ELF3: variants seen among roughly 807,000 people sequenced by gnomAD.
The protein encoded by ELF3 is ETS-related transcription factor Elf-3.
Under a neutral mutation model 43.9 loss-of-function variants are expected in ELF3, and 18 were observed. That is an observed-to-expected ratio of 0.41 (90% CI 0.28 to 0.61). ELF3 has a LOEUF of 0.61. Ranked by LOEUF, ELF3 falls within the 20% of genes least tolerant of loss-of-function variation. The pLI is 0.30. For synonymous variants in ELF3, 181 were observed against 190.2 expected (o/e 0.95, Z 0.40); for missense variants, 373 against 487.7 (o/e 0.76, Z 2.21).
rs1268892536 is a variant in ELF3 at position 202,013,655 on chromosome 1, G to A, written c.806-174G>A. Reference sequence around the variant, plus strand: ...GGAGGCAGCTGGTGGGTCTTAGGTGGGCTGAGGAGAAAAGCAGTCACTGCA... The same window carrying A: ...GGAGGCAGCTGGTGGGTCTTAGGTGAGCTGAGGAGAAAAGCAGTCACTGCA... On this transcript the variant is annotated intron_variant, in intron 7 of 8. Coordinates refer to ENST00000367284, the MANE Select transcript of ELF3 (RefSeq NM_004433.5). This position sits in a 1 kb window ranked among gnomAD's most constrained non-coding sequence, Gnocchi z 5.7. 1.4e-6 allele frequency: 1 copy of A among 729,244 alleles called. No individual in the cohort carries two copies. Among genetic ancestry groups the A allele is most frequent in the African/African-American group, 1.8e-5 (1 of 56,036 alleles). 45.2% of individuals were successfully genotyped at this position (729,244 alleles called of 1,614,324 possible). A position where few individuals can be genotyped will look rare whatever the true frequency, so the allele number is the denominator to read the frequency against.
rs762316328 is a variant in ELF3 at position 202,011,246 on chromosome 1, C to T, written c.110C>T (p.Ala37Val). ...GTTCCCCCTGCTGCCACCTTTGGGG[C>T]CGATGACTTGGTACTGACCCTGAGC... Reference protein sequence around the residue: ...ASVPPAATFGADDLVLTLSNP... With the variant: ...ASVPPAATFGVDDLVLTLSNP... Residue 37 changes from alanine (A) to valine (V), a missense_variant, in exon 2 of 9, where the codon GCC (alanine) becomes GTC (valine). Physicochemically the swap from Ala to Val is moderately conservative, Grantham distance 64. This residue lies in a region of ELF3 where 311 missense variants were observed against 351.2 expected (regional missense o/e 0.89). Coordinates refer to ENST00000367284, the MANE Select transcript of ELF3 (RefSeq NM_004433.5). 1 of 1,612,310 alleles carries T rather than the reference C, an allele frequency of 6.2e-7. No homozygotes were observed. The highest frequency in any genetic ancestry group is 1.3e-5 in the African/African-American group (1 of 74,890).
At chr1:202,011,903 T>C (rs1003063113) in intron 2 of ELF3, 54 bp from the exon 3 acceptor site, 7 of 1,530,926 alleles carry the variant, frequency 4.6e-6, no homozygotes, top group Non-Finnish European at 6.2e-6. Context: ...AATGGGGCTG[T>C]AAGGTCTGCT....
rs999811364 is a variant in ELF3, at chr1:202,012,836, C to T, written c.598+77C>T. 3.9e-6 allele frequency: 6 copies of T among 1,539,274 alleles called. No individual in the cohort carries two copies. Among genetic ancestry groups the T allele is most frequent in the African/African-American group, 2.7e-5 (2 of 72,912 alleles). On this transcript the variant is annotated intron_variant, in intron 5 of 8. Transcript: ENST00000367284. This position sits in a 1 kb window ranked among gnomAD's most constrained non-coding sequence, Gnocchi z 4.2. The stretch of plus-strand genomic sequence containing the variant: ...CCCTCTGGCTCCCAGCACCATAACT[C>T]AGGCCTTCTGGCAGGAACAGGAACA...
intron 8 of ELF3, 62 bp downstream of exon 8, chr1:202,014,086 C>T: frequency 6.6e-7 from 1 of 1,507,838 alleles, no homozygotes. Flanking sequence ...CTCACACTCC[C>T]ACCGCCCTCT....
chr1:202,011,860 G>T lies in ELF3; in HGVS notation c.164-97G>T, dbSNP rs190864520. 2.2e-4 allele frequency: 269 copies of T among 1,207,916 alleles called. 2 individuals are homozygous for T. In the Middle Eastern group the frequency reaches 3.2e-3, roughly 14 times the overall value. The allele number at this position is 1,207,916 out of a possible 1,614,324, so 74.8% of individuals were successfully genotyped here. On this transcript the variant is annotated intron_variant, in intron 2 of 8. Coordinates refer to ENST00000367284, the MANE Select transcript of ELF3 (RefSeq NM_004433.5). ...CCATTGCACCCCAGCCTAGGTGACA[G>T]GAGTGAGACTCCATCTCAAAAAAAA... is the stretch of plus-strand genomic sequence containing the variant.
chr1:202,013,184 G>A lies in ELF3; in HGVS notation c.691G>A (p.Gly231Ser). 6.2e-7 allele frequency: 1 copy of A among 1,614,054 alleles called. No individual in the cohort carries two copies. Among genetic ancestry groups the A allele is most frequent in the Admixed American group, 1.7e-5 (1 of 59,990 alleles). The change falls in exon 7 of 9, where the codon GGT becomes AGT. Residue 231 changes from glycine to serine, a missense_variant and splice_region_variant. By Grantham distance (56) the Gly-to-Ser change is moderately conservative (BLOSUM62 0). Transcript: ENST00000367284. This position sits in a 1 kb window ranked among gnomAD's most constrained non-coding sequence, Gnocchi z 5.7. ...ACCTTCCACCACCGTCCCCACAGAT[G>A]GTTTTCGTGACTGCAAGAAGGGGGA... ...PTDGKLFPSD[G>S]FRDCKKGDPK...
rs1217001821 is a variant in ELF3 at position 202,012,395 on chromosome 1, A to G, written c.437A>G (p.Asp146Gly). 6.2e-7 allele frequency: 1 copy of G among 1,614,084 alleles called. No individual in the cohort carries two copies. Among genetic ancestry groups the G allele is most frequent in the Non-Finnish European group, 8.5e-7 (1 of 1,179,998 alleles). The change falls in exon 4 of 9, where the codon GAT becomes GGT. Residue 146 changes from aspartate (D) to glycine (G), a missense_variant. Transcript: ENST00000367284. The surrounding 1 kb of genome is among the most constrained non-coding windows in gnomAD (Gnocchi z 4.2). ...TGGATCATTGAGCTGCTGGAGAAGGATGGCATGGCCTTCCAGGAGGCCCTA... is the reference window on the plus strand; with the variant it reads ...TGGATCATTGAGCTGCTGGAGAAGGGTGGCATGGCCTTCCAGGAGGCCCTA... ...LSWIIELLEK[D>G]GMAFQEALDP...
Position 202,012,332 on chromosome 1 carries a change from CT to C in ELF3, c.386-10del. The stretch of plus-strand genomic sequence containing the variant: ...ATTAGGGGAGTGTGACCCTTCCTTC[CT>C]TCCTTGTCAGCTTCCAGCTCTTCTG... On this transcript the variant is annotated splice_polypyrimidine_tract_variant and intron_variant, in intron 3 of 8. Transcript: ENST00000367284. The surrounding 1 kb of genome is among the most constrained non-coding windows in gnomAD (Gnocchi z 4.2). 1 of 1,613,870 alleles carries C rather than the reference CT, an allele frequency of 6.2e-7. No homozygotes were observed. Among genetic ancestry groups the C allele is most frequent in the Non-Finnish European group, 8.5e-7 (1 of 1,179,904 alleles).
chr1:202,013,985 A>G lies in ELF3; in HGVS notation c.962A>G (p.Asn321Ser). The part of the protein sequence containing the change: ...VAQLWGQKKK[N>S]SNMTYEKLSR... Reference sequence around the variant, plus strand: ...CAACTATGGGGCCAAAAGAAAAAGAACAGCAACATGACCTACGAGAAGCTG... The same window carrying G: ...CAACTATGGGGCCAAAAGAAAAAGAGCAGCAACATGACCTACGAGAAGCTG... Residue 321 changes from asparagine to serine, a missense_variant, in exon 8 of 9, where the codon AAC (asparagine) becomes AGC (serine). By Grantham distance (46) the Asn-to-Ser change is conservative. Coordinates refer to ENST00000367284, the MANE Select transcript of ELF3 (RefSeq NM_004433.5). This position sits in a 1 kb window ranked among gnomAD's most constrained non-coding sequence, Gnocchi z 5.7. 6.2e-7 allele frequency: 1 copy of G among 1,613,782 alleles called. No individual in the cohort carries two copies. The highest frequency in any genetic ancestry group is 8.5e-7 in the Non-Finnish European group (1 of 1,179,858).
At chr1:202,014,104 T>G (rs1221292812) in intron 8 of ELF3, 80 bp downstream of exon 8, 17 of 1,477,648 alleles carry the variant, frequency 1.2e-5, no homozygotes, top group Non-Finnish European at 1.4e-5. Flanking sequence ...TCTTTCTGGC[T>G]GCCACTTGGC....
In ELF3 at chr1:202,013,151, C is replaced by G. The variant is rs1558274161; in HGVS notation, c.689-31C>G. ...TACTCTCCCTAACTCCCCTCTTGCC[C>G]CTCCTTGACCTTCCACCACCGTCCC... On this transcript the variant is annotated intron_variant, in intron 6 of 8. Coordinates refer to ENST00000367284, the MANE Select transcript of ELF3 (RefSeq NM_004433.5). This position sits in a 1 kb window ranked among gnomAD's most constrained non-coding sequence, Gnocchi z 5.7. 1 of 1,611,906 alleles carries G rather than the reference C, an allele frequency of 6.2e-7. No homozygotes were observed. Among genetic ancestry groups the G allele is most frequent in the African/African-American group, 1.3e-5 (1 of 74,994 alleles).
rs1355730460 is a variant in ELF3 at position 202,017,131 on chromosome 1, CCAAT to C, written c.*1811_*1814del. The C allele has an allele frequency of 2.6e-5, 4 of 152,090 alleles. No homozygotes were observed. Among genetic ancestry groups the C allele is most frequent in the Non-Finnish European group, 5.9e-5 (4 of 68,026 alleles). 9.4% of individuals were successfully genotyped at this position (152,090 alleles called of 1,614,324 possible). A position where few individuals can be genotyped will look rare whatever the true frequency, so the allele number is the denominator to read the frequency against. Reference sequence around the variant, plus strand: ...ATACTGCTCTGTTGTCTTGGAAATACCAATCAGATTGTTGGCTGAAGTGATGTGG... The same window carrying C: ...ATACTGCTCTGTTGTCTTGGAAATACCAGATTGTTGGCTGAAGTGATGTGG... On this transcript the variant is annotated 3_prime_UTR_variant, in exon 9 of 9. Coordinates refer to ENST00000367284, the MANE Select transcript of ELF3 (RefSeq NM_004433.5).
At position 202,010,903 on chromosome 1, in the gene ELF3, G is replaced by C. The variant is rs1415284860; in HGVS notation, c.-9+197G>C. On this transcript the variant is annotated intron_variant, in intron 1 of 8. Coordinates refer to ENST00000367284, the MANE Select transcript of ELF3 (RefSeq NM_004433.5). The surrounding 1 kb of genome is among the most constrained non-coding windows in gnomAD (Gnocchi z 4.3). ...CCATGACGCCGCTAGTCTGGCTCCA[G>C]GGCCCCAGAGATCTGAGGAGGGAAG... is the stretch of plus-strand genomic sequence containing the variant. 1.9e-6 allele frequency: 1 copy of C among 535,326 alleles called. No homozygotes were observed. The highest frequency in any genetic ancestry group is 3.3e-6 in the Non-Finnish European group (1 of 302,090). 33.2% of individuals were successfully genotyped at this position (535,326 alleles called of 1,614,324 possible).
chr1:202,013,138 C>T lies in ELF3; in HGVS notation c.689-44C>T, dbSNP rs753886957. 12 of 1,609,514 alleles carry T rather than the reference C, an allele frequency of 7.5e-6. No homozygotes were observed. Among genetic ancestry groups the T allele is most frequent in the South Asian group, 1.1e-5 (1 of 90,440 alleles). ...CCTGTAGAGGGGCTACTCTCCCTAA[C>T]TCCCCTCTTGCCCCTCCTTGACCTT... On this transcript the variant is annotated intron_variant, in intron 6 of 8. Coordinates refer to ENST00000367284, the MANE Select transcript of ELF3 (RefSeq NM_004433.5). The surrounding 1 kb of genome is among the most constrained non-coding windows in gnomAD (Gnocchi z 5.7).
Position 202,012,536 on chromosome 1 carries a change from C to T in ELF3, c.478+100C>T. On this transcript the variant is annotated intron_variant, in intron 4 of 8. Transcript: ENST00000367284. The surrounding 1 kb of genome is among the most constrained non-coding windows in gnomAD (Gnocchi z 4.2). ...GACCCCCTCCCCAGACTTCTTCCTC[C>T]CTCAATTAGAAAAATTGCAGCAGGT... The T allele has an allele frequency of 3.9e-6, 6 of 1,557,770 alleles. No homozygotes were observed. In the South Asian group the frequency reaches 7.3e-5, roughly 19 times the overall value.
chr1:202,013,443 A>T lies in ELF3; in HGVS notation c.805+145A>T, dbSNP rs1474423484. ...AGGCTGTGCACAAGCTGGGGGCTCT[A>T]TGGTATCGGTCACCACCTAATTGCA... On this transcript the variant is annotated intron_variant, in intron 7 of 8. Coordinates refer to ENST00000367284, the MANE Select transcript of ELF3 (RefSeq NM_004433.5). The surrounding 1 kb of genome is among the most constrained non-coding windows in gnomAD (Gnocchi z 5.7). The T allele has an allele frequency of 7.3e-6, 6 of 825,176 alleles. No individual in the cohort carries two copies. The East Asian group carries it at 1.5e-4, about 21-fold the overall frequency. 51.1% of individuals were successfully genotyped at this position (825,176 alleles called of 1,614,324 possible). A position where few individuals can be genotyped will look rare whatever the true frequency, so the allele number is the denominator to read the frequency against.
Position 202,015,500 on chromosome 1 carries a change from C to G in ELF3, c.*177C>G. On this transcript the variant is annotated 3_prime_UTR_variant, in exon 9 of 9. Transcript: ENST00000367284. ...TCGTCCTGGGACTCGGAGACTATGG[C>G]CTCGCCTCCCCACCCTCCTCTTGGA... is the stretch of plus-strand genomic sequence containing the variant. The G allele has an allele frequency of 1.6e-6, 1 of 618,428 alleles. No individual in the cohort carries two copies. Among genetic ancestry groups the G allele is most frequent in the Non-Finnish European group, 2.8e-6 (1 of 353,840 alleles). The allele number at this position is 618,428 out of a possible 1,614,324, so 38.3% of individuals were successfully genotyped here.
chr1:202,014,185 C>T lies in ELF3; in HGVS notation c.1001+161C>T, dbSNP rs564043343. On this transcript the variant is annotated intron_variant, in intron 8 of 8. Transcript: ENST00000367284. The stretch of plus-strand genomic sequence containing the variant: ...TTGGTCTACTTCATGGATTAAATGA[C>T]AACATGGAGAAAGTATTAGCCTGGC... Among the ~76,000 whole-genome samples the T allele has an allele frequency of 1.4e-4, 22 of 152,328 alleles. No individual in the cohort carries two copies. In the South Asian group the frequency reaches 4.6e-3, roughly 32 times the overall value.
rs765376917 is a variant in ELF3 at position 202,013,819 on chromosome 1, G to A, written c.806-10G>A. On this transcript the variant is annotated splice_polypyrimidine_tract_variant and intron_variant, in intron 7 of 8. Transcript: ENST00000367284. This position sits in a 1 kb window ranked among gnomAD's most constrained non-coding sequence, Gnocchi z 5.7. ...CCTGGATGGCAAACTGATGGAGGCTGGCCTTGCAGCGCCCAGAGGCACCCA... is the reference window on the plus strand; with the variant it reads ...CCTGGATGGCAAACTGATGGAGGCTAGCCTTGCAGCGCCCAGAGGCACCCA... The A allele has an allele frequency of 1.2e-6, 2 of 1,604,452 alleles. No homozygotes were observed. The highest frequency in any genetic ancestry group is 1.7e-5 in the Admixed American group (1 of 59,460).
Sources: gnomAD v4.1 joint callset for allele counts (sites outside exome capture counted in the v4.1 genomes callset) on GRCh38, gnomAD v4.1.1 for gene constraint, gnomAD v4.1.1 regional missense constraint, Gnocchi (gnomAD v3.1) non-coding constraint, MANE v1.5 for transcripts, NCBI Gene and HGNC (gene_info 2026-07-23, HGNC 2026-07-21) for gene names.